Variants in GMPR observed in about 807,000 individuals in gnomAD.
The protein encoded by GMPR is guanosine monophosphate reductase, also known as GMP reductase 1.
GMPR carries 31 observed loss-of-function variants against 38.4 expected under a neutral mutation model. The observed-to-expected ratio is 0.81, with a 90% CI of 0.61 to 1.09. GMPR has a LOEUF of 1.09. GMPR is among the 50% of genes least tolerant of loss of function. GMPR has a pLI of 0.00. For synonymous variants in GMPR, 162 were observed against 173.3 expected, an observed-to-expected ratio of 0.93 and a Z score of 0.51; for missense variants, 468 against 453.7, an observed-to-expected ratio of 1.03 and a Z score of -0.29.
At chr6:16,283,973 T>C (rs942861399) in intron 6 of GMPR, among the ~76,000 whole-genome samples, 1 of 152,204 alleles carries the variant, frequency 6.6e-6, no homozygotes. Context: ...TAAATAAATA[T>C]GCCAGGATTT....
chr6:16,263,678 A>G (rs28843985), intron 4 of GMPR, among the ~76,000 whole-genome samples: 21 of 142,382 alleles, frequency 1.5e-4, no homozygotes, highest in Non-Finnish European at 2.3e-4. Flanking sequence ...GTCAGGGCAC[A>G]GAAATAAGGG....
intron 3 of GMPR, among the ~76,000 whole-genome samples, chr6:16,250,790 C>G (rs1561820245): frequency 6.6e-6 from 1 of 151,940 alleles, no homozygotes; most frequent in Non-Finnish European, 1.5e-5. Flanking sequence ...GCCTGTAATC[C>G]CAGCACTTTG....
intron 4 of GMPR, among the ~76,000 whole-genome samples, chr6:16,272,499 T>A (rs529880329): frequency 6.6e-6 from 1 of 152,378 alleles, no homozygotes; most frequent in East Asian, 1.9e-4. Context: ...AGATTCCATC[T>A]GATGTTTTCT....
At chr6:16,289,233 C>T (rs973458786) in intron 7 of GMPR, among the ~76,000 whole-genome samples, 2 of 152,176 alleles carry the variant, frequency 1.3e-5, no homozygotes, top group Non-Finnish European at 2.9e-5. Context: ...GCCGCGCCAC[C>T]TTATAGAGCT....
At position 16,278,844 on chromosome 6, in the gene GMPR, T is replaced by G; in HGVS notation, c.608T>G (p.Ile203Ser). 2 of 1,614,084 alleles carry G rather than the reference T, an allele frequency of 1.2e-6. No individual in the cohort carries two copies. Among genetic ancestry groups the G allele is most frequent in the Non-Finnish European group, 1.7e-6 (2 of 1,179,920 alleles). ...GVGYPQLSAVIECADSAHGLK... is the reference protein window; with the variant it reads ...GVGYPQLSAVSECADSAHGLK... ...GGGTACCCCCAGCTGAGTGCCGTCA[T>G]TGAGTGTGCCGACTCTGCCCATGGC... Residue 203 changes from isoleucine (I) to serine (S), a missense_variant, in exon 6 of 9, where the codon ATT becomes AGT. By Grantham distance (142) the Ile-to-Ser change is moderately radical (BLOSUM62 -2). Coordinates refer to ENST00000259727, the MANE Select transcript of GMPR (RefSeq NM_006877.4).
In GMPR at chr6:16,240,118, C is replaced by T. The variant is rs965486105; in HGVS notation, c.87+1338C>T. ...CTAATAATTTGGTGGCCTCAATATT[C>T]TTTAAATATTCAAAATGTATTTAGA... On this transcript the variant is annotated intron_variant, in intron 1 of 8. Coordinates refer to ENST00000259727, the MANE Select transcript of GMPR (RefSeq NM_006877.4). 9.9e-5 allele frequency among the ~76,000 whole-genome samples: 15 copies of T among 152,282 alleles called. No homozygotes were observed. The East Asian group carries it at 1.2e-3, about 12-fold the overall frequency.
At chr6:16,243,392 C>T (rs1554131581) in intron 1 of GMPR, among the ~76,000 whole-genome samples, 2 of 152,128 alleles carry the variant, frequency 1.3e-5, no homozygotes, top group Non-Finnish European at 2.9e-5. Flanking sequence ...TTCTCACGAG[C>T]CTGATAACTG....
intron 3 of GMPR, 113 bp from the exon 4 acceptor site, chr6:16,254,449 G>A: frequency 1.2e-6 from 1 of 826,512 alleles, no homozygotes; most frequent in Non-Finnish European, 2.0e-6. Flanking sequence ...ATTTGATTAG[G>A]GTAGACCGAA....
chr6:16,282,728 T>G (rs1759597534), intron 6 of GMPR, among the ~76,000 whole-genome samples: 1 of 152,252 alleles, frequency 6.6e-6, no homozygotes, highest in African/African-American at 2.4e-5. Flanking sequence ...TTCCTTTGTT[T>G]TAGGAATAAG....
intron 1 of GMPR, among the ~76,000 whole-genome samples, chr6:16,246,029 T>G (rs528224334): frequency 6.6e-6 from 1 of 152,338 alleles, no homozygotes; most frequent in South Asian, 2.1e-4. Flanking sequence ...CCTGTAGCAG[T>G]TAGCCTTCCT....
Position 16,276,179 on chromosome 6 carries a change from T to G in GMPR, c.547+1683T>G, listed in dbSNP as rs182912296. Among the ~76,000 whole-genome samples the G allele has an allele frequency of 2.0e-5, 3 of 152,236 alleles. No homozygotes were observed. The East Asian group carries it at 5.8e-4, about 29-fold the overall frequency. ...GAGAAGCTTCTTGGCTCTCAAAGCT[T>G]TATTTTTTTTGAGACAGTCTTGCTC... On this transcript the variant is annotated intron_variant, in intron 5 of 8. Transcript: ENST00000259727.
chr6:16,270,711 C>T (rs1463310201), intron 4 of GMPR, among the ~76,000 whole-genome samples: 1 of 152,216 alleles, frequency 6.6e-6, no homozygotes, highest in African/African-American at 2.4e-5. Flanking sequence ...TGGAAGCATT[C>T]TTGCTGTGCT....
At chr6:16,249,261 C>G (rs994176820) in intron 2 of GMPR, among the ~76,000 whole-genome samples, 2 of 147,548 alleles carry the variant, frequency 1.4e-5, no homozygotes, top group Admixed American at 6.9e-5. Flanking sequence ...CAACCTCCAT[C>G]TCCCAGGTTC....
At chr6:16,279,831 C>A (rs1226022484) in intron 6 of GMPR, among the ~76,000 whole-genome samples, 5 of 152,102 alleles carry the variant, frequency 3.3e-5, no homozygotes, top group Admixed American at 1.3e-4. Flanking sequence ...GGAGCTATTG[C>A]AGAGGTCTGA....
chr6:16,285,019 AAAAAAAAAAAAAAC>A (rs1378324287), intron 6 of GMPR, among the ~76,000 whole-genome samples: 2,871 of 123,342 alleles, frequency 0.023, 76 homozygotes, highest in African/African-American at 0.077. Flanking sequence ...GACTGTCTCA[AAAAAAAAAAAAAAC>A]AAAAAAAAAA....
chr6:16,246,126 C>G (rs1359266606), intron 1 of GMPR, among the ~76,000 whole-genome samples: 1 of 152,196 alleles, frequency 6.6e-6, no homozygotes, highest in Non-Finnish European at 1.5e-5. Flanking sequence ...TCTTCTAGCT[C>G]TTGGTGAGTT....
intron 4 of GMPR, among the ~76,000 whole-genome samples, chr6:16,265,890 A>C (rs530769716): frequency 1.3e-5 from 2 of 152,324 alleles, no homozygotes; most frequent in African/African-American, 2.4e-5. Context: ...TATGAGCTGT[A>C]ACACTTACTG....
chr6:16,265,518 G>A (rs543716803), intron 4 of GMPR, among the ~76,000 whole-genome samples: 1 of 152,318 alleles, frequency 6.6e-6, no homozygotes, highest in African/African-American at 2.4e-5. Context: ...GAACTTTTCT[G>A]TCTAGCCTAG....
intron 8 of GMPR, among the ~76,000 whole-genome samples, chr6:16,291,639 A>G (rs1759842545): frequency 6.6e-6 from 1 of 152,166 alleles, no homozygotes; most frequent in South Asian, 2.1e-4. Flanking sequence ...GGCCAGGCAC[A>G]GTGGCTCATG....
Sources: allele counts gnomAD v4.1 joint callset (sites outside exome capture counted in the v4.1 genomes callset), GRCh38; gene constraint gnomAD v4.1.1; transcripts MANE v1.5; gene names NCBI Gene and HGNC (gene_info 2026-07-23, HGNC 2026-07-21).